CCDC125: variants seen among roughly 807,000 people sequenced by gnomAD.
CCDC125 encodes the protein coiled-coil domain-containing protein 125.
CCDC125 carries 43 observed loss-of-function variants against 57.4 expected under a neutral mutation model. The observed-to-expected ratio is 0.75, with a 90% CI of 0.59 to 0.97. CCDC125 has a LOEUF of 0.97. Ranked by LOEUF, CCDC125 falls within the 50% of genes least tolerant of loss-of-function variation. CCDC125 has a pLI of 0.00. For synonymous variants in CCDC125, 187 were observed against 195.2 expected, an observed-to-expected ratio of 0.96 and a Z score of 0.35; for missense variants, 563 against 595.7, an observed-to-expected ratio of 0.95 and a Z score of 0.57.
intron 8 of CCDC125, among the ~76,000 whole-genome samples, chr5:69,296,306 C>G (rs981293422): frequency 3.3e-5 from 5 of 152,082 alleles, no homozygotes; most frequent in Non-Finnish European, 2.9e-5. Context: ...AATCCCAGCA[C>G]TTTGGCAAGC....
At chr5:69,325,250 C>T (rs1760576125) in intron 1 of CCDC125, among the ~76,000 whole-genome samples, 2 of 145,878 alleles carry the variant, frequency 1.4e-5, no homozygotes, top group Admixed American at 7.1e-5. Context: ...GGCTTGAACC[C>T]GGGAGGCAGG....
downstream of CCDC125, among the ~76,000 whole-genome samples, chr5:69,279,260 C>T (rs903357242): frequency 2.0e-5 from 3 of 149,820 alleles, no homozygotes; most frequent in Admixed American, 6.7e-5. Context: ...TGCAGTGGCA[C>T]GATCTCGGCT....
chr5:69,279,450 C>T (rs944884008), downstream of CCDC125, among the ~76,000 whole-genome samples: 11 of 152,174 alleles, frequency 7.2e-5, no homozygotes, highest in African/African-American at 2.7e-4. Flanking sequence ...CCCACCTTGG[C>T]CTCCCAAAGT....
intron 10 of CCDC125, among the ~76,000 whole-genome samples, chr5:69,286,920 TAAAA>T (rs201525650): frequency 6.9e-6 from 1 of 144,312 alleles, no homozygotes; most frequent in African/African-American, 2.6e-5. Flanking sequence ...ATTTTCAGTC[TAAAA>T]AAAGAAATAG....
chr5:69,290,543 T>C (rs943840321), intron 10 of CCDC125, among the ~76,000 whole-genome samples: 2 of 151,392 alleles, frequency 1.3e-5, no homozygotes, highest in African/African-American at 4.8e-5. Flanking sequence ...CCTCAGGTGA[T>C]CTGCCTGCCT....
Position 69,292,264 on chromosome 5 carries a change from T to G in CCDC125, c.1023A>C (p.Ala341=). The stretch of plus-strand genomic sequence containing the variant: ...TTTTATCCATTTGTGTCAATTGTAG[T>G]GCCTGGTCATTTTTTCTCATTAATT... ...EQQLMRKNDQ[A]LQLTQMDKMH... Residue 341 remains alanine (A), a synonymous_variant, in exon 10 of 12, where the codon GCA becomes GCC. Transcript: ENST00000396496. 1 of 1,613,862 alleles carries G rather than the reference T, an allele frequency of 6.2e-7. No individual in the cohort carries two copies. Among genetic ancestry groups the G allele is most frequent in the South Asian group, 1.1e-5 (1 of 91,076 alleles).
chr5:69,290,521 TTGAAC>T (rs1460899197), intron 10 of CCDC125, among the ~76,000 whole-genome samples: 2 of 151,618 alleles, frequency 1.3e-5, no homozygotes, highest in African/African-American at 4.8e-5. Context: ...CAGGCTGGTC[TTGAAC>T]TCCTGACCTC....
chr5:69,307,690 A>G, intron 5 of CCDC125: 1 of 427,918 alleles, frequency 2.3e-6, no homozygotes, highest in Non-Finnish European at 4.2e-6. Flanking sequence ...TCAAAAAAAA[A>G]AAAAAAGAAG....
downstream of CCDC125, chr5:69,276,446 G>T: frequency 9.3e-7 from 1 of 1,069,672 alleles, no homozygotes; most frequent in East Asian, 2.4e-5. Flanking sequence ...CATTCACATA[G>T]TATTTTTAAT....
intron 10 of CCDC125, among the ~76,000 whole-genome samples, chr5:69,291,788 A>G (rs1022138963): frequency 6.6e-6 from 1 of 152,218 alleles, no homozygotes; most frequent in African/African-American, 2.4e-5. Context: ...TCTCAAAAGC[A>G]TACATTTCAA....
chr5:69,291,599 C>T (rs1754471873), intron 10 of CCDC125, among the ~76,000 whole-genome samples: 1 of 152,194 alleles, frequency 6.6e-6, no homozygotes, highest in Non-Finnish European at 1.5e-5. Flanking sequence ...AGGTGATCCA[C>T]CCTCCTTGGC....
rs905516397 is a variant in CCDC125 at position 69,280,235 on chromosome 5, A to C, written c.*2494T>G. ...ATTCACATTGTAATTGAGCTCATTTAAGCAAAGCTATCTTCAGTAGGGACT... is the reference window on the plus strand; with the variant it reads ...ATTCACATTGTAATTGAGCTCATTTCAGCAAAGCTATCTTCAGTAGGGACT... On this transcript the variant is annotated 3_prime_UTR_variant, in exon 12 of 12. Transcript: ENST00000396496. The C allele has an allele frequency of 6.6e-6, 1 of 152,184 alleles. No homozygotes were observed. The highest frequency in any genetic ancestry group is 2.4e-5 in the African/African-American group (1 of 41,446). 9.4% of individuals were successfully genotyped at this position (152,184 alleles called of 1,614,324 possible).
At chr5:69,298,650 T>A (rs1755824194) in intron 8 of CCDC125, among the ~76,000 whole-genome samples, 1 of 152,164 alleles carries the variant, frequency 6.6e-6, no homozygotes, top group Non-Finnish European at 1.5e-5. Context: ...TGCTACTTCC[T>A]CACCTCAGTG....
intron 10 of CCDC125, among the ~76,000 whole-genome samples, chr5:69,286,891 T>C (rs1279693615): frequency 6.6e-6 from 1 of 151,098 alleles, no homozygotes; most frequent in African/African-American, 2.4e-5. Context: ...CTTTGATGAG[T>C]AGATGAATCT....
intron 8 of CCDC125, among the ~76,000 whole-genome samples, chr5:69,299,331 G>A (rs1307605133): frequency 6.6e-6 from 1 of 151,918 alleles, no homozygotes; most frequent in East Asian, 1.9e-4. Context: ...GGATGGTCTC[G>A]ATCTCCTGAC....
chr5:69,311,199 T>G lies in CCDC125; in HGVS notation c.372A>C (p.Val124=). 1 of 1,599,284 alleles carries G rather than the reference T, an allele frequency of 6.3e-7. No individual in the cohort carries two copies. The highest frequency in any genetic ancestry group is 8.6e-7 in the Non-Finnish European group (1 of 1,167,802). The change falls in exon 4 of 12, where the codon GTA becomes GTC. Residue 124 remains valine (V), a synonymous_variant. Coordinates refer to ENST00000396496, the MANE Select transcript of CCDC125 (RefSeq NM_176816.5). ...CCTCAAGTTCAGTTTTTAACATTTC[T>G]ACCTCCTGAGGACAGAAAGAAAATT... is the stretch of plus-strand genomic sequence containing the variant. ...RQCLNETLEE[V]EMLKTELEAS... is the part of the protein sequence containing the mutation.
At chr5:69,306,643 A>AT (rs1024712116) in intron 6 of CCDC125, among the ~76,000 whole-genome samples, 174 bp downstream of exon 6, 1 of 152,150 alleles carries the variant, frequency 6.6e-6, no homozygotes, top group Admixed American at 6.6e-5. Context: ...AGCCTATGCT[A>AT]TTTTTTTTCT....
chr5:69,299,349 T>C (rs2150405179), intron 8 of CCDC125, among the ~76,000 whole-genome samples: 1 of 152,290 alleles, frequency 6.6e-6, no homozygotes, highest in East Asian at 1.9e-4. Flanking sequence ...GACCTTGTGA[T>C]CCGCCCGCCT....
downstream of CCDC125, among the ~76,000 whole-genome samples, chr5:69,277,803 A>G (rs904874059): frequency 6.6e-6 from 1 of 152,136 alleles, no homozygotes; most frequent in Admixed American, 6.6e-5. Context: ...GGTGTAGTAA[A>G]TACTACCCAA....
Sources: allele counts gnomAD v4.1 joint callset (sites outside exome capture counted in the v4.1 genomes callset), GRCh38; gene constraint gnomAD v4.1.1; transcripts MANE v1.5; gene names NCBI Gene and HGNC (gene_info 2026-07-23, HGNC 2026-07-21).